AGL: variants seen among roughly 807,000 people sequenced by gnomAD.
AGL encodes the protein amylo-alpha-1,6-glucosidase and 4-alpha-glucanotransferase, also known as glycogen debranching enzyme.
AGL carries 128 observed loss-of-function variants against 199.3 expected under a neutral mutation model. The ratio of observed to expected loss-of-function variants is 0.64; its 90% CI spans 0.56 to 0.74. AGL has a LOEUF of 0.74. AGL is among the 30% of genes least tolerant of loss of function. AGL has a pLI of 0.00. For synonymous variants in AGL, 584 were observed against 594.7 expected, an observed-to-expected ratio of 0.98 and a Z score of 0.26; for missense variants, 1,809 against 1,820.8, an observed-to-expected ratio of 0.99 and a Z score of 0.12.
chr1:99,893,714 A>G (rs149848371), intron 24 of AGL, among the ~76,000 whole-genome samples: 1 of 152,362 alleles, frequency 6.6e-6, no homozygotes, highest in East Asian at 1.9e-4. Flanking sequence ...TAAAAACTAA[A>G]AAATTAAGTT....
chr1:99,875,284 T>C, intron 9 of AGL, 28 bp downstream of exon 9: 1 of 1,612,238 alleles, frequency 6.2e-7, no homozygotes, highest in Non-Finnish European at 8.5e-7. Flanking sequence ...ACTGCTGCTT[T>C]TCCTTGCATC....
rs1374209211 is a variant in AGL at position 99,880,503 on chromosome 1, CT to C, written c.1736-127del. 26 of 1,135,762 alleles carry C rather than the reference CT, an allele frequency of 2.3e-5. No individual in the cohort carries two copies. In the African/African-American group the frequency reaches 3.8e-4, roughly 16 times the overall value. 70.4% of individuals were successfully genotyped at this position (1,135,762 alleles called of 1,614,324 possible). ...AAACTAGTAGACATTTGTTTAAATC[CT>C]TAAAGCAGTTTTATTTTTTATAATA... On this transcript the variant is annotated intron_variant, in intron 13 of 33. Coordinates refer to ENST00000361915, the MANE Select transcript of AGL (RefSeq NM_000642.3).
At chr1:99,871,805 C>T (rs370564089) in intron 7 of AGL, among the ~76,000 whole-genome samples, 1 of 152,114 alleles carries the variant, frequency 6.6e-6, no homozygotes, top group Non-Finnish European at 1.5e-5. Flanking sequence ...ATAATATGTG[C>T]TCATTGTAAA....
intron 13 of AGL, 105 bp downstream of exon 13, chr1:99,880,151 G>A: frequency 6.7e-7 from 1 of 1,482,752 alleles, no homozygotes; most frequent in Non-Finnish European, 9.4e-7. Context: ...TTTTAACACA[G>A]TTAATGTTCT....
At chr1:99,902,932 C>T in intron 27 of AGL, 138 bp downstream of exon 27, 1 of 672,418 alleles carries the variant, frequency 1.5e-6, no homozygotes, top group Non-Finnish European at 2.5e-6. Flanking sequence ...CCTGATCTCA[C>T]CAAGTTTTTA....
At position 99,922,354 on chromosome 1, in the gene AGL, A is replaced by T. The variant is rs1655571342; in HGVS notation, c.*703A>T. The stretch of plus-strand genomic sequence containing the variant: ...ATTGAGTTCTATTGAGTATTATAAG[A>T]TAGCTTACATTTTCAAAATGGAAAT... On this transcript the variant is annotated 3_prime_UTR_variant, in exon 34 of 34. Coordinates refer to ENST00000361915, the MANE Select transcript of AGL (RefSeq NM_000642.3). The T allele has an allele frequency of 6.6e-6, 1 of 151,950 alleles. No homozygotes were observed. Among genetic ancestry groups the T allele is most frequent in the East Asian group, 1.9e-4 (1 of 5,178 alleles). The allele number at this position is 151,950 out of a possible 1,614,324, so 9.4% of individuals were successfully genotyped here. A position where few individuals can be genotyped will look rare whatever the true frequency, so the allele number is the denominator to read the frequency against.
rs200819872 is a variant in AGL, at chr1:99,900,541, G to A, written c.3363-95G>A. The stretch of plus-strand genomic sequence containing the variant: ...AAAGAAATAGGGCAAGAGAGAAAAC[G>A]CATTCAAAATATAGTCACCAAAAGT... On this transcript the variant is annotated intron_variant, in intron 25 of 33. Coordinates refer to ENST00000361915, the MANE Select transcript of AGL (RefSeq NM_000642.3). 100 of 1,103,768 alleles carry A rather than the reference G, an allele frequency of 9.1e-5. No individual in the cohort carries two copies. In the East Asian group the frequency reaches 1.6e-3, roughly 18 times the overall value. 68.4% of individuals were successfully genotyped at this position (1,103,768 alleles called of 1,614,324 possible).
At position 99,855,566 on chromosome 1, in the gene AGL, C is replaced by T. The variant is rs150985089; in HGVS notation, c.82+4442C>T. Among the ~76,000 whole-genome samples the T allele has an allele frequency of 3.9e-5, 6 of 152,130 alleles. No individual in the cohort carries two copies. The East Asian group carries it at 5.8e-4, about 15-fold the overall frequency. On this transcript the variant is annotated intron_variant, in intron 2 of 33. Coordinates refer to ENST00000361915, the MANE Select transcript of AGL (RefSeq NM_000642.3). ...CTGTAATCCCGGCACTTTGGGAGGC[C>T]GAGGCGGGTAGTTGACCTGAGATCA...
intron 20 of AGL, 66 bp downstream of exon 20, chr1:99,884,769 A>G: frequency 6.3e-7 from 1 of 1,582,366 alleles, no homozygotes; most frequent in Non-Finnish European, 8.7e-7. Context: ...GACTGAATTA[A>G]GCAGTTTTAA....
intron 10 of AGL, among the ~76,000 whole-genome samples, chr1:99,876,222 T>A (rs1557759357): frequency 6.6e-6 from 1 of 152,202 alleles, no homozygotes; most frequent in South Asian, 2.1e-4. Context: ...AAAAATTGTT[T>A]AAACTGTTAG....
intron 25 of AGL, 64 bp from the exon 26 acceptor site, chr1:99,900,572 G>A: frequency 1.4e-6 from 2 of 1,471,190 alleles, no homozygotes; most frequent in Non-Finnish European, 1.9e-6. Context: ...AAAGTGACTG[G>A]TTTTTGTCTT....
rs1011353277 is a variant in AGL, at chr1:99,906,429, A to G, written c.3700+3635A>G. ...TTACCTTAGCCATTTTCAAGTGTAC[A>G]GTTCAGTAGTGTTAAGTATATTAAC... On this transcript the variant is annotated intron_variant, in intron 27 of 33. Coordinates refer to ENST00000361915, the MANE Select transcript of AGL (RefSeq NM_000642.3). Among the ~76,000 whole-genome samples, 4 of 152,354 alleles carry G rather than the reference A, an allele frequency of 2.6e-5. 1 individual carries two copies. The highest frequency in any genetic ancestry group is 2.0e-4 in the Admixed American group (3 of 15,310).
chr1:99,898,049 C>CTT lies in AGL; in HGVS notation c.3362+1675_3362+1676dup, dbSNP rs34959224. The stretch of plus-strand genomic sequence containing the variant: ...CCTATGAGCAAAGAATAGCTTTTAC[C>CTT]TTTTTTTTTTTTTTTGAGACGGAGT... On this transcript the variant is annotated intron_variant, in intron 25 of 33. Coordinates refer to ENST00000361915, the MANE Select transcript of AGL (RefSeq NM_000642.3). Among the ~76,000 whole-genome samples the CTT allele has an allele frequency of 2.1e-3, 293 of 142,552 alleles. 4 individuals carry two copies. The highest frequency in any genetic ancestry group is 2.2e-3 in the Non-Finnish European group (145 of 65,050). 93.5% of individuals were successfully genotyped at this position (142,552 alleles called of 152,430 possible). A position where few individuals can be genotyped will look rare whatever the true frequency, so the allele number is the denominator to read the frequency against.
At position 99,896,391 on chromosome 1, in the gene AGL, A is replaced by G. The variant is rs1324111843; in HGVS notation, c.3362+3A>G. 6.2e-7 allele frequency: 1 copy of G among 1,604,970 alleles called. No homozygotes were observed. The highest frequency in any genetic ancestry group is 2.2e-5 in the East Asian group (1 of 44,836). On this transcript the variant is annotated splice_donor_region_variant and intron_variant, in intron 25 of 33. Transcript: ENST00000361915. Reference sequence around the variant, plus strand: ...ACTGGACGCTATGTAGAAGCCAGGTAGGAGAGCCTCTAAAGTGTTGTACTG... The same window carrying G: ...ACTGGACGCTATGTAGAAGCCAGGTGGGAGAGCCTCTAAAGTGTTGTACTG...
In AGL at chr1:99,864,576, C is replaced by T; in HGVS notation, c.651C>T (p.Val217=). ...EWNVICITDV[V]YNHTAANSKW... ...ATGTTATTTGTATTACTGATGTTGT[C>T]TACAATCATACTGGTATGAGCTTCA... Residue 217 remains valine (V), a synonymous_variant, in exon 5 of 34, where the codon GTC becomes GTT. Coordinates refer to ENST00000361915, the MANE Select transcript of AGL (RefSeq NM_000642.3). 1.2e-6 allele frequency: 2 copies of T among 1,613,344 alleles called. No individual in the cohort carries two copies. Among genetic ancestry groups the T allele is most frequent in the Non-Finnish European group, 1.7e-6 (2 of 1,179,588 alleles).
chr1:99,857,071 GACCCCCCC>G (rs1303709391), intron 2 of AGL, among the ~76,000 whole-genome samples: 1 of 150,094 alleles, frequency 6.7e-6, no homozygotes, highest in Non-Finnish European at 1.5e-5. Context: ...GCAGGGGGCT[GACCCCCCC>G]ACCTCCCTCC....
chr1:99,863,934 A>G (rs1198793398), intron 4 of AGL, among the ~76,000 whole-genome samples: 1 of 152,042 alleles, frequency 6.6e-6, no homozygotes, highest in African/African-American at 2.4e-5. Flanking sequence ...AAACCACTGC[A>G]CCTGATCTCA....
At chr1:99,921,433 T>C in intron 33 of AGL, 101 bp from the exon 34 acceptor site, 3 of 795,752 alleles carry the variant, frequency 3.8e-6, no homozygotes, top group Admixed American at 1.7e-5. Context: ...TGACTACATA[T>C]GATTATTTTC....
chr1:99,900,199 A>G (rs555818982), intron 25 of AGL, among the ~76,000 whole-genome samples: 76 of 152,164 alleles, frequency 5.0e-4, no homozygotes, highest in Non-Finnish European at 9.6e-4. Context: ...CAAAATGCTG[A>G]GATTACAGGT....
Sources: gnomAD v4.1 joint callset for allele counts (sites outside exome capture counted in the v4.1 genomes callset) on GRCh38, gnomAD v4.1.1 for gene constraint, MANE v1.5 for transcripts, NCBI Gene and HGNC (gene_info 2026-07-23, HGNC 2026-07-21) for gene names.